The following ANKH variants were observed in gnomAD, a reference collection of about 807,000 sequenced individuals.
The protein encoded by ANKH is mineralization regulator ANKH.
A neutral mutation model predicts 49.0 loss-of-function variants in ANKH; 15 were observed. That is an observed-to-expected ratio of 0.31 (90% CI 0.20 to 0.47). The LOEUF (loss-of-function observed/expected upper bound fraction) is 0.47. Ranked by LOEUF, ANKH falls within the 20% of genes least tolerant of loss-of-function variation. ANKH has a pLI of 1.00. For missense variants in ANKH, 429 were observed against 652.0 expected (o/e 0.66, Z 3.72); for synonymous variants, 273 against 260.0 (o/e 1.05, Z -0.48).
At chr5:14,746,869 T>C (rs979879812) in intron 6 of ANKH, among the ~76,000 whole-genome samples, 1 of 152,202 alleles carries the variant, frequency 6.6e-6, no homozygotes, top group Non-Finnish European at 1.5e-5. Context: ...TTATTACACC[T>C]TAATCAAGTG....
chr5:14,729,712 G>A (rs559515209), intron 8 of ANKH, among the ~76,000 whole-genome samples: 69 of 152,170 alleles, frequency 4.5e-4, no homozygotes, highest in African/African-American at 1.6e-3. Context: ...TTGCAATGGT[G>A]GGGTAGGCTC....
In ANKH at chr5:14,723,459, C is replaced by T. The variant is rs185423224; in HGVS notation, c.1012-6624G>A. ...GGAGGACTGCTTGAGGCCAGGAGTT[C>T]GAGACCAGCCTGGACAACACAAGAC... On this transcript the variant is annotated intron_variant, in intron 8 of 11. Coordinates refer to ENST00000284268, the MANE Select transcript of ANKH (RefSeq NM_054027.6). Among the ~76,000 whole-genome samples, 5 of 151,908 alleles carry T rather than the reference C, an allele frequency of 3.3e-5. No individual in the cohort carries two copies. The East Asian group carries it at 5.8e-4, about 18-fold the overall frequency.
rs1355737483 is a variant in ANKH at position 14,704,892 on chromosome 5, G to A, written c.*6305C>T. 6.6e-6 allele frequency: 1 copy of A among 152,136 alleles called. No individual in the cohort carries two copies. The highest frequency in any genetic ancestry group is 2.4e-5 in the African/African-American group (1 of 41,438). 9.4% of individuals were successfully genotyped at this position (152,136 alleles called of 1,614,324 possible). A position where few individuals can be genotyped will look rare whatever the true frequency, so the allele number is the denominator to read the frequency against. On this transcript the variant is annotated 3_prime_UTR_variant, in exon 12 of 12. Coordinates refer to ENST00000284268, the MANE Select transcript of ANKH (RefSeq NM_054027.6). ...ATATGAATACAAATCCATAAACCCT[G>A]AAACAAAGCATATATAAATGCTCTT...
Position 14,846,729 on chromosome 5 carries a change from C to T in ANKH, c.96+24623G>A, listed in dbSNP as rs554242965. On this transcript the variant is annotated intron_variant, in intron 1 of 11. Transcript: ENST00000284268. Reference sequence around the variant, plus strand: ...CTCAAGGGCCAAGGGTGGTGGCTCACGCCTGTAATCCCAATATTTTGGGAG... The same window carrying T: ...CTCAAGGGCCAAGGGTGGTGGCTCATGCCTGTAATCCCAATATTTTGGGAG... Among the ~76,000 whole-genome samples, 75 of 152,242 alleles carry T rather than the reference C, an allele frequency of 4.9e-4. 1 individual carries two copies. The highest frequency in any genetic ancestry group is 1.2e-3 in the African/African-American group (50 of 41,552).
intron 1 of ANKH, among the ~76,000 whole-genome samples, chr5:14,831,643 A>ACTTC (rs1315336652): frequency 6.6e-6 from 1 of 152,204 alleles, no homozygotes; most frequent in Admixed American, 6.5e-5. Flanking sequence ...ATCCTGTGGG[A>ACTTC]CAGGAAACCA....
chr5:14,810,286 T>C (rs1740840727), intron 1 of ANKH, among the ~76,000 whole-genome samples: 1 of 151,616 alleles, frequency 6.6e-6, no homozygotes, highest in Admixed American at 6.6e-5. Flanking sequence ...GCCTACCAAA[T>C]AGCTGGGATT....
chr5:14,850,175 C>G (rs969454542), intron 1 of ANKH, among the ~76,000 whole-genome samples: 2 of 152,286 alleles, frequency 1.3e-5, no homozygotes, highest in South Asian at 4.1e-4. Context: ...CCAAGGCTAA[C>G]CCTGCCCCCC....
intron 8 of ANKH, among the ~76,000 whole-genome samples, chr5:14,734,791 C>T (rs537707399): frequency 3.9e-5 from 6 of 152,266 alleles, no homozygotes; most frequent in East Asian, 1.9e-4. Context: ...TGTATTGATA[C>T]GTTCAACTGA....
At chr5:14,858,742 TAAATAAATAA>T (rs1156883777) in intron 1 of ANKH, among the ~76,000 whole-genome samples, 1 of 92,206 alleles carries the variant, frequency 1.1e-5, no homozygotes, top group Non-Finnish European at 2.3e-5. Context: ...AATAAATAAA[TAAATAAATAA>T]ATAAATAAAA....
rs531762196 is a variant in ANKH, at chr5:14,711,134, A to G, written c.*63T>C. On this transcript the variant is annotated 3_prime_UTR_variant, in exon 12 of 12. Coordinates refer to ENST00000284268, the MANE Select transcript of ANKH (RefSeq NM_054027.6). ...GGAACAAAATACGATGGGAGAGGGAAGAGATGATGCCGAAGTGTCATCCTG... is the reference window on the plus strand; with the variant it reads ...GGAACAAAATACGATGGGAGAGGGAGGAGATGATGCCGAAGTGTCATCCTG... 3.2e-5 allele frequency: 42 copies of G among 1,309,896 alleles called. No homozygotes were observed. The highest frequency in any genetic ancestry group is 1.8e-4 in the Middle Eastern group (1 of 5,472). The allele number at this position is 1,309,896 out of a possible 1,614,324, so 81.1% of individuals were successfully genotyped here. A position where few individuals can be genotyped will look rare whatever the true frequency, so the allele number is the denominator to read the frequency against.
At chr5:14,739,545 T>A (rs1254802512) in intron 8 of ANKH, among the ~76,000 whole-genome samples, 2 of 152,202 alleles carry the variant, frequency 1.3e-5, no homozygotes, top group Non-Finnish European at 2.9e-5. Flanking sequence ...ATGAGACCCT[T>A]CCTAAGCCAC....
rs530562193 is a variant in ANKH, at chr5:14,754,226, A to T, written c.516+1635T>A. On this transcript the variant is annotated intron_variant, in intron 4 of 11. Coordinates refer to ENST00000284268, the MANE Select transcript of ANKH (RefSeq NM_054027.6). ...CAAGGGCCAGGATCAGGTTTAAAAT[A>T]GAGAAGGAAAATGGCTGTAGGTGTA... is the stretch of plus-strand genomic sequence containing the variant. Among the ~76,000 whole-genome samples the T allele has an allele frequency of 1.4e-4, 22 of 152,344 alleles. No individual in the cohort carries two copies. The East Asian group carries it at 4.2e-3, about 29-fold the overall frequency.
intron 1 of ANKH, among the ~76,000 whole-genome samples, chr5:14,794,431 T>C (rs779236816): frequency 1.9e-4 from 29 of 152,354 alleles, no homozygotes; most frequent in Non-Finnish European, 4.0e-4. Context: ...AGGGAGCATG[T>C]GTAAGAGGCT....
intron 1 of ANKH, among the ~76,000 whole-genome samples, chr5:14,793,047 T>TATATAAAA (rs1209292505): frequency 9.3e-5 from 6 of 64,784 alleles, no homozygotes; most frequent in Non-Finnish European, 1.4e-4. Context: ...AATATATATA[T>TATATAAAA]AAATATATAT....
At chr5:14,797,456 TG>T in intron 1 of ANKH, 1 of 1,611,254 alleles carries the variant, frequency 6.2e-7, no homozygotes, top group South Asian at 1.1e-5. Context: ...CATCCTTATG[TG>T]ACTCAAAGGA....
intron 1 of ANKH, among the ~76,000 whole-genome samples, chr5:14,850,032 G>A (rs1364931517): frequency 3.9e-5 from 6 of 152,084 alleles, no homozygotes; most frequent in East Asian, 3.9e-4. Flanking sequence ...AGGCAAAATC[G>A]CCTCACATAA....
At chr5:14,748,019 AC>A (rs1738594154) in intron 6 of ANKH, among the ~76,000 whole-genome samples, 1 of 152,128 alleles carries the variant, frequency 6.6e-6, no homozygotes, top group Non-Finnish European at 1.5e-5. Flanking sequence ...CCAGTGCTGT[AC>A]CCCACGTGCT....
chr5:14,746,511 A>C (rs1738549050), intron 6 of ANKH, among the ~76,000 whole-genome samples: 1 of 152,196 alleles, frequency 6.6e-6, no homozygotes, highest in Non-Finnish European at 1.5e-5. Context: ...CAAGTGCAGG[A>C]TCTGCAAAAT....
intron 8 of ANKH, among the ~76,000 whole-genome samples, chr5:14,719,569 G>C (rs576532826): frequency 6.6e-6 from 1 of 152,232 alleles, no homozygotes. Context: ...TTTACACCAC[G>C]AAGGGAAAAT....
Sources: gnomAD v4.1 joint callset for allele counts (sites outside exome capture counted in the v4.1 genomes callset) on GRCh38, gnomAD v4.1.1 for gene constraint, MANE v1.5 for transcripts, NCBI Gene and HGNC (gene_info 2026-07-23, HGNC 2026-07-21) for gene names.